The following CSMD1 variants were observed in gnomAD, a reference collection of about 807,000 sequenced individuals.
CSMD1 encodes CUB and Sushi multiple domains 1, also known as CUB and sushi domain-containing protein 1.
Under a neutral mutation model 417.5 loss-of-function variants are expected in CSMD1, and 213 were observed. The ratio of observed to expected loss-of-function variants is 0.51; its 90% CI spans 0.46 to 0.57. The LOEUF (loss-of-function observed/expected upper bound fraction) is 0.57. Among genes scored for constraint, CSMD1 ranks in the 20% least tolerant of loss-of-function variants. The pLI, the probability that CSMD1 is intolerant of heterozygous loss-of-function variation, is 0.00. For synonymous variants in CSMD1, 2,862 were observed against 1,736.8 expected (o/e 1.65, Z -16.11); for missense variants, 6,923 against 4,529.7 (o/e 1.53, Z -15.17).
chr8:3,766,631 C>G (rs192830741), intron 5 of CSMD1, among the ~76,000 whole-genome samples: 1 of 151,814 alleles, frequency 6.6e-6, no homozygotes, highest in African/African-American at 2.4e-5. Context: ...ATAAATTCCA[C>G]GCACAGTCGA....
chr8:4,148,595 C>A (rs1379493321), intron 3 of CSMD1, among the ~76,000 whole-genome samples: 3 of 152,030 alleles, frequency 2.0e-5, no homozygotes, highest in African/African-American at 7.2e-5. Context: ...GCTGTCTGGT[C>A]TGGTGAGAGC....
intron 2 of CSMD1, among the ~76,000 whole-genome samples, chr8:4,604,709 A>C (rs535663378): frequency 6.6e-6 from 1 of 152,310 alleles, no homozygotes; most frequent in South Asian, 2.1e-4. Context: ...AATGATGATG[A>C]TACATGGGCT....
At chr8:4,398,749 A>G (rs7010560) in intron 3 of CSMD1, among the ~76,000 whole-genome samples, 1 of 152,174 alleles carries the variant, frequency 6.6e-6, no homozygotes, top group Non-Finnish European at 1.5e-5. Flanking sequence ...TTTATCAATT[A>G]GTTTCTCATT....
intron 1 of CSMD1, among the ~76,000 whole-genome samples, chr8:4,990,779 C>G (rs1044735886): frequency 6.6e-6 from 1 of 151,916 alleles, no homozygotes. Flanking sequence ...AGGAGTCTGA[C>G]CTGCAAATTA....
At chr8:4,312,656 C>G (rs1448089282) in intron 3 of CSMD1, among the ~76,000 whole-genome samples, 5 of 151,800 alleles carry the variant, frequency 3.3e-5, no homozygotes, top group Non-Finnish European at 7.4e-5. Flanking sequence ...GTGAGTGGAT[C>G]ACCTGAGGTC....
chr8:3,498,721 C>T (rs994541940), intron 10 of CSMD1, among the ~76,000 whole-genome samples: 4 of 152,060 alleles, frequency 2.6e-5, no homozygotes, highest in African/African-American at 9.7e-5. Context: ...CTGGCTTATT[C>T]CGAAAATCCT....
At chr8:4,950,115 ATG>A (rs1460598440) in intron 1 of CSMD1, among the ~76,000 whole-genome samples, 4 of 152,024 alleles carry the variant, frequency 2.6e-5, no homozygotes, top group East Asian at 1.9e-4. Context: ...AATGTTTCAT[ATG>A]ATAAGATTTT....
chr8:3,562,582 A>AT lies in CSMD1; in HGVS notation c.1344+12362dup, dbSNP rs940451904. Among the ~76,000 whole-genome samples, 41 of 152,260 alleles carry AT rather than the reference A, an allele frequency of 2.7e-4. 1 individual carries two copies. The highest frequency in any genetic ancestry group is 6.7e-4 in the African/African-American group (28 of 41,556). On this transcript the variant is annotated intron_variant, in intron 10 of 69. Coordinates refer to ENST00000635120, the MANE Select transcript of CSMD1 (RefSeq NM_033225.6). ...CTTAAAACTCTCCCTTAATATGCTTATTTTTTTAACTCAGTAAAATTTTAT... is the reference window on the plus strand; with the variant it reads ...CTTAAAACTCTCCCTTAATATGCTTATTTTTTTTAACTCAGTAAAATTTTAT...
At chr8:3,842,838 A>C (rs1013141232) in intron 5 of CSMD1, among the ~76,000 whole-genome samples, 3 of 152,230 alleles carry the variant, frequency 2.0e-5, no homozygotes, top group African/African-American at 7.2e-5. Flanking sequence ...GATGGCTGCT[A>C]CAATAAATGG....
chr8:4,209,530 C>T (rs182332089), intron 3 of CSMD1, among the ~76,000 whole-genome samples: 203 of 152,274 alleles, frequency 1.3e-3, no homozygotes, highest in Non-Finnish European at 2.1e-3. Context: ...AAACAGGAGC[C>T]GCGTGAGATT....
chr8:3,940,194 AT>A (rs1335972785), intron 5 of CSMD1, among the ~76,000 whole-genome samples: 1 of 151,964 alleles, frequency 6.6e-6, no homozygotes, highest in Non-Finnish European at 1.5e-5. Context: ...CATGCTTATT[AT>A]TTTTGAAAAA....
At chr8:3,643,370 G>T (rs1236995358) in intron 7 of CSMD1, among the ~76,000 whole-genome samples, 3 of 152,100 alleles carry the variant, frequency 2.0e-5, no homozygotes, top group Non-Finnish European at 4.4e-5. Flanking sequence ...TTTACAAGCT[G>T]ATGACAGACC....
chr8:3,381,254 A>C (rs1403851024), intron 18 of CSMD1, among the ~76,000 whole-genome samples: 1 of 151,790 alleles, frequency 6.6e-6, no homozygotes. Context: ...TACCTGTTCA[A>C]CAGATCTACC....
chr8:3,270,046 CTTTTTTT>C (rs200994813), intron 26 of CSMD1, among the ~76,000 whole-genome samples: 36,071 of 118,426 alleles, frequency 0.3, 5,049 homozygotes, highest in African/African-American at 0.37. Context: ...CTAACCTCTT[CTTTTTTT>C]TTTTTTTTTT....
chr8:2,942,119 T>G (rs546295907), intron 69 of CSMD1, among the ~76,000 whole-genome samples: 27 of 152,068 alleles, frequency 1.8e-4, no homozygotes, highest in African/African-American at 6.3e-4. Flanking sequence ...GAGTGGGAGC[T>G]GAACGATGAG....
intron 1 of CSMD1, among the ~76,000 whole-genome samples, chr8:4,977,441 G>A (rs1382367532): frequency 2.6e-5 from 4 of 152,156 alleles, no homozygotes; most frequent in Non-Finnish European, 4.4e-5. Flanking sequence ...GTGGGTGCAT[G>A]TCCACGGACT....
chr8:3,201,580 C>G (rs1234555354), intron 32 of CSMD1, 32 bp downstream of exon 32: 2 of 1,354,876 alleles, frequency 1.5e-6, no homozygotes, highest in Non-Finnish European at 2.1e-6. Flanking sequence ...GCTGTCTGAA[C>G]TAAATTAAGG....
intron 3 of CSMD1, among the ~76,000 whole-genome samples, chr8:4,079,651 T>G (rs748940467): frequency 7.9e-5 from 12 of 152,256 alleles, no homozygotes; most frequent in Non-Finnish European, 1.8e-4. Flanking sequence ...AGACACATTG[T>G]TTCAGCGTTC....
chr8:4,163,898 G>A (rs935603051), intron 3 of CSMD1, among the ~76,000 whole-genome samples: 4 of 152,082 alleles, frequency 2.6e-5, no homozygotes, highest in African/African-American at 9.7e-5. Flanking sequence ...TTTGAATCAA[G>A]GTTTGGTTAC....
Sources: allele counts gnomAD v4.1 joint callset (sites outside exome capture counted in the v4.1 genomes callset), GRCh38; gene constraint gnomAD v4.1.1; transcripts MANE v1.5; gene names NCBI Gene and HGNC (gene_info 2026-07-23, HGNC 2026-07-21).